MAPK8: variants seen among roughly 807,000 people sequenced by gnomAD.
MAPK8 encodes the protein JUN N-terminal kinase.
Under a neutral mutation model 52.9 loss-of-function variants are expected in MAPK8, and 13 were observed. That is an observed-to-expected ratio of 0.25 (90% CI 0.16 to 0.39). The LOEUF (loss-of-function observed/expected upper bound fraction) is 0.39. Among genes scored for constraint, MAPK8 ranks in the 10% least tolerant of loss-of-function variants. MAPK8 has a pLI of 1.00. For missense variants in MAPK8, 300 were observed against 519.2 expected, an observed-to-expected ratio of 0.58 and a Z score of 4.10; for synonymous variants, 191 against 169.8, an observed-to-expected ratio of 1.12 and a Z score of -0.97.
intron 6 of MAPK8, 89 bp from the exon 7 acceptor site, chr10:48,423,999 A>G (rs928855795): frequency 1.0e-5 from 8 of 799,972 alleles, no homozygotes; most frequent in Non-Finnish European, 1.5e-5. Flanking sequence ...GACGTTTTGC[A>G]GTTTTTATAT....
intron 1 of MAPK8, among the ~76,000 whole-genome samples, chr10:48,351,243 C>G (rs866232037): frequency 6.7e-6 from 1 of 149,648 alleles, no homozygotes; most frequent in African/African-American, 2.5e-5. Flanking sequence ...CATTGACTTT[C>G]TTCACAGAAT....
At chr10:48,429,343 G>GT (rs2043978327) in intron 10 of MAPK8, among the ~76,000 whole-genome samples, 2 of 152,174 alleles carry the variant, frequency 1.3e-5, no homozygotes, top group Non-Finnish European at 2.9e-5. Flanking sequence ...GTTTTCATTT[G>GT]TATAAGGATA....
chr10:48,349,090 T>C (rs528685449), intron 1 of MAPK8, among the ~76,000 whole-genome samples: 1 of 152,208 alleles, frequency 6.6e-6, no homozygotes, highest in African/African-American at 2.4e-5. Flanking sequence ...CTCCTAAATA[T>C]ATATGCACCC....
At position 48,336,389 on chromosome 10, in the gene MAPK8, C is replaced by T. The variant is rs76167014; in HGVS notation, c.-50+29568C>T. Among the ~76,000 whole-genome samples, 751 of 152,146 alleles carry T rather than the reference C, an allele frequency of 4.9e-3. 4 individuals carry two copies. The highest frequency in any genetic ancestry group is 0.017 in the Middle Eastern group (5 of 294). On this transcript the variant is annotated intron_variant, in intron 1 of 11. Transcript: ENST00000374189. ...AATTAAATTTGCAGTAAAAAAGTTCCTCACAGGCCCTGTGATATCATGAGG... is the reference window on the plus strand; with the variant it reads ...AATTAAATTTGCAGTAAAAAAGTTCTTCACAGGCCCTGTGATATCATGAGG...
chr10:48,413,921 T>G (rs1301627928), intron 5 of MAPK8, among the ~76,000 whole-genome samples: 1 of 146,866 alleles, frequency 6.8e-6, no homozygotes, highest in African/African-American at 2.5e-5. Context: ...CTATATAATT[T>G]ACATGCCATA....
intron 1 of MAPK8, among the ~76,000 whole-genome samples, chr10:48,400,557 T>C (rs981231396): frequency 6.6e-6 from 1 of 152,204 alleles, no homozygotes; most frequent in East Asian, 1.9e-4. Flanking sequence ...CTCTCTCCAG[T>C]GGCTCACCTT....
At chr10:48,361,279 T>A (rs1847499654) in intron 1 of MAPK8, among the ~76,000 whole-genome samples, 1 of 152,216 alleles carries the variant, frequency 6.6e-6, no homozygotes, top group African/African-American at 2.4e-5. Context: ...TTTTATCTTT[T>A]TGCTTTTCCA....
chr10:48,359,581 G>A (rs151130399), intron 1 of MAPK8, among the ~76,000 whole-genome samples: 67 of 152,276 alleles, frequency 4.4e-4, no homozygotes, highest in African/African-American at 1.6e-3. Flanking sequence ...AAAATAGACA[G>A]TGGAAAGAAT....
chr10:48,396,851 A>G (rs962247780), intron 1 of MAPK8, among the ~76,000 whole-genome samples: 2 of 152,368 alleles, frequency 1.3e-5, no homozygotes, highest in East Asian at 3.9e-4. Context: ...TTAAGCCTAT[A>G]TACATTCCAG....
intron 1 of MAPK8, among the ~76,000 whole-genome samples, chr10:48,328,487 T>C (rs1445407493): frequency 1.3e-5 from 2 of 152,226 alleles, no homozygotes; most frequent in Non-Finnish European, 2.9e-5. Context: ...CGTTGAATGC[T>C]TCCTTGCTTT....
chr10:48,427,783 G>T (rs2043780593), intron 10 of MAPK8, among the ~76,000 whole-genome samples: 1 of 152,180 alleles, frequency 6.6e-6, no homozygotes, highest in Non-Finnish European at 1.5e-5. Context: ...TGAGTGCTTT[G>T]TTGATATAAT....
chr10:48,321,503 A>G (rs1482334790), intron 1 of MAPK8, among the ~76,000 whole-genome samples: 3 of 152,330 alleles, frequency 2.0e-5, no homozygotes, highest in South Asian at 2.1e-4. Context: ...TTGTAGCACA[A>G]AAAGTTTTAA....
At chr10:48,403,960 T>TGTGTGTGTGTGTGTGTGTGTGTG (rs2042310009) in intron 2 of MAPK8, among the ~76,000 whole-genome samples, 1 of 150,594 alleles carries the variant, frequency 6.6e-6, no homozygotes, top group African/African-American at 2.4e-5. Context: ...TGTGTGTGTA[T>TGTGTGTGTGTGTGTGTGTGTGTG]TTTTAGTAGA....
At chr10:48,380,152 G>A (rs1036589353) in intron 1 of MAPK8, among the ~76,000 whole-genome samples, 1 of 151,480 alleles carries the variant, frequency 6.6e-6, no homozygotes, top group Non-Finnish European at 1.5e-5. Flanking sequence ...TGAGGCAGGA[G>A]AATCACTTGA....
intron 5 of MAPK8, among the ~76,000 whole-genome samples, chr10:48,411,645 C>T (rs2042752866): frequency 1.3e-5 from 2 of 152,150 alleles, no homozygotes; most frequent in Admixed American, 6.5e-5. Context: ...TCTATTTCTG[C>T]AGAAAGGGCA....
chr10:48,352,365 A>T (rs1171222316), intron 1 of MAPK8, among the ~76,000 whole-genome samples: 1 of 152,068 alleles, frequency 6.6e-6, no homozygotes, highest in African/African-American at 2.4e-5. Flanking sequence ...ATAGATGTAG[A>T]TAATCCTTAA....
At chr10:48,316,035 TTGAAA>T (rs1437661528) in intron 1 of MAPK8, among the ~76,000 whole-genome samples, 2 of 152,218 alleles carry the variant, frequency 1.3e-5, no homozygotes, top group Admixed American at 6.5e-5. Context: ...TTAATGTAAC[TTGAAA>T]TGAATTGTGG....
In MAPK8 at chr10:48,410,152, C is replaced by T. The variant is rs779380684; in HGVS notation, c.434C>T (p.Ala145Val). The T allele has an allele frequency of 6.5e-7, 1 of 1,540,296 alleles. No homozygotes were observed. The highest frequency in any genetic ancestry group is 8.7e-7 in the Non-Finnish European group (1 of 1,146,636). The change falls in exon 5 of 12, where the codon GCT (alanine) becomes GTT (valine). Residue 145 changes from alanine (A) to valine (V), a missense_variant. Ala to Val is a moderately conservative substitution (Grantham distance 64, BLOSUM62 0). Coordinates refer to ENST00000374189, the MANE Select transcript of MAPK8 (RefSeq NM_001323329.2). ...TGTGGAATCAAGCACCTTCATTCTGCTGGAATTATTCATCGGGTTAGTAGA... is the reference window on the plus strand; with the variant it reads ...TGTGGAATCAAGCACCTTCATTCTGTTGGAATTATTCATCGGGTTAGTAGA... ...MLCGIKHLHS[A>V]GIIHRDLKPS...
At position 48,349,052 on chromosome 10, in the gene MAPK8, G is replaced by C. The variant is rs184830993; in HGVS notation, c.-50+42231G>C. Among the ~76,000 whole-genome samples, 3 of 151,896 alleles carry C rather than the reference G, an allele frequency of 2.0e-5. No individual in the cohort carries two copies. In the East Asian group the frequency reaches 5.8e-4, roughly 29 times the overall value. On this transcript the variant is annotated intron_variant, in intron 1 of 11. Transcript: ENST00000374189. ...AAGAAGGGCATTATATAATGGTAAA[G>C]GGATCAATGCAACAAGAAGAGCTAA...
Sources: gnomAD v4.1 joint callset for allele counts (sites outside exome capture counted in the v4.1 genomes callset) on GRCh38, gnomAD v4.1.1 for gene constraint, MANE v1.5 for transcripts, NCBI Gene and HGNC (gene_info 2026-07-23, HGNC 2026-07-21) for gene names.